The following GADL1 variants were observed in gnomAD, a reference collection of about 807,000 sequenced individuals.
GADL1 encodes the protein GAD like acidic amino acid decarboxylase 1.
In GADL1, 71 loss-of-function variants were observed where a neutral mutation model predicts 69.5. That is an observed-to-expected ratio of 1.02 (90% CI 0.84 to 1.25). GADL1 has a LOEUF of 1.25. Ranked by LOEUF, GADL1 falls within the 50% of genes most tolerant of loss-of-function variation. The pLI, the probability that GADL1 is intolerant of heterozygous loss-of-function variation, is 0.00. For synonymous variants in GADL1, 254 were observed against 214.4 expected, an observed-to-expected ratio of 1.18 and a Z score of -1.62; for missense variants, 737 against 631.8, an observed-to-expected ratio of 1.17 and a Z score of -1.79.
intron 1 of GADL1, among the ~76,000 whole-genome samples, chr3:30,878,847 A>G (rs1218043557): frequency 2.6e-5 from 4 of 151,954 alleles, no homozygotes; most frequent in South Asian, 2.1e-4. Flanking sequence ...CATTGCTGAA[A>G]AAAAGGTAAC....
intron 6 of GADL1, among the ~76,000 whole-genome samples, chr3:30,846,877 G>A (rs1203873542): frequency 6.6e-6 from 1 of 152,158 alleles, no homozygotes; most frequent in Non-Finnish European, 1.5e-5. Context: ...CACCTAGAGT[G>A]CAAAATTTAG....
At chr3:30,806,372 T>C (rs1170403323) in intron 11 of GADL1, among the ~76,000 whole-genome samples, 1 of 152,130 alleles carries the variant, frequency 6.6e-6, no homozygotes, top group Non-Finnish European at 1.5e-5. Flanking sequence ...GGGTTAATAT[T>C]TGTTGGCGTA....
intron 1 of GADL1, among the ~76,000 whole-genome samples, chr3:30,876,871 A>G (rs1287648003): frequency 6.6e-6 from 1 of 151,906 alleles, no homozygotes; most frequent in Non-Finnish European, 1.5e-5. Context: ...ATTAAGCTTT[A>G]GTTACCCACA....
Position 30,827,567 on chromosome 3 carries a change from C to T in GADL1, c.1050+6286G>A, listed in dbSNP as rs189867364. On this transcript the variant is annotated intron_variant, in intron 11 of 14. Coordinates refer to ENST00000282538, the MANE Select transcript of GADL1 (RefSeq NM_207359.3). ...GGAGAAATAGATAATGGATTCTGAA[C>T]ACATGAGGCTCTAACATTATTATCC... Among the ~76,000 whole-genome samples the T allele has an allele frequency of 1.2e-4, 18 of 151,940 alleles. No homozygotes were observed. In the East Asian group the frequency reaches 2.9e-3, roughly 25 times the overall value.
chr3:30,769,928 C>T (rs1014202494), intron 14 of GADL1, among the ~76,000 whole-genome samples: 13 of 152,210 alleles, frequency 8.5e-5, no homozygotes, highest in African/African-American at 1.7e-4. Context: ...CAAGGACTGA[C>T]GAATTTAGGT....
intron 14 of GADL1, among the ~76,000 whole-genome samples, chr3:30,739,045 T>C (rs1459661802): frequency 6.6e-6 from 1 of 152,182 alleles, no homozygotes; most frequent in African/African-American, 2.4e-5. Flanking sequence ...AACTCCTACC[T>C]AGCAGCACAG....
intron 2 of GADL1, among the ~76,000 whole-genome samples, chr3:30,858,094 C>T (rs1321518251): frequency 6.6e-6 from 1 of 151,990 alleles, no homozygotes; most frequent in Admixed American, 6.6e-5. Context: ...ACTTATCACC[C>T]TCTAATATAC....
chr3:30,786,307 A>G, intron 13 of GADL1, 48 bp downstream of exon 13: 1 of 1,146,578 alleles, frequency 8.7e-7, no homozygotes, highest in Non-Finnish European at 1.3e-6. Flanking sequence ...TACCACCTTC[A>G]TCACTGTTAA....
intron 6 of GADL1, among the ~76,000 whole-genome samples, chr3:30,848,900 A>G (rs1698098622): frequency 6.6e-6 from 1 of 152,176 alleles, no homozygotes. Context: ...TGTTCCGTGT[A>G]TTCAAATCCT....
intron 11 of GADL1, among the ~76,000 whole-genome samples, chr3:30,804,208 G>A (rs1458500597): frequency 1.3e-5 from 2 of 152,106 alleles, no homozygotes; most frequent in Non-Finnish European, 2.9e-5. Flanking sequence ...TCCATCATCA[G>A]GAATATGTCC....
chr3:30,795,517 T>G (rs1697013574), intron 12 of GADL1, among the ~76,000 whole-genome samples: 1 of 152,108 alleles, frequency 6.6e-6, no homozygotes, highest in Admixed American at 6.6e-5. Context: ...AACTGGGGCT[T>G]TCTTTAACTT....
chr3:30,853,624 T>A (rs1698183572), intron 4 of GADL1, among the ~76,000 whole-genome samples: 1 of 152,106 alleles, frequency 6.6e-6, no homozygotes, highest in African/African-American at 2.4e-5. Flanking sequence ...CAGTTCCCTC[T>A]CCCAGTGCTT....
chr3:30,810,965 A>T (rs948383414), intron 11 of GADL1, among the ~76,000 whole-genome samples: 1 of 152,178 alleles, frequency 6.6e-6, no homozygotes, highest in African/African-American at 2.4e-5. Flanking sequence ...AAGAGCTCAC[A>T]GGCACTGGAT....
chr3:30,749,048 C>G lies in GADL1; in HGVS notation c.1393-20633G>C, dbSNP rs578174073. Among the ~76,000 whole-genome samples the G allele has an allele frequency of 2.6e-4, 39 of 152,312 alleles. No homozygotes were observed. In the East Asian group the frequency reaches 7.5e-3, roughly 29 times the overall value. On this transcript the variant is annotated intron_variant, in intron 14 of 14. Transcript: ENST00000282538. ...TTACTATAATTATCAATTCCCGAAT[C>G]AATCTTGCCTTCATGTACCCTAGTC... is the stretch of plus-strand genomic sequence containing the variant.
At position 30,786,346 on chromosome 3, in the gene GADL1, AT is replaced by A; in HGVS notation, c.1302+8del. On this transcript the variant is annotated splice_region_variant and intron_variant, in intron 13 of 14. Transcript: ENST00000282538. ...ACAAAATCACAAGCACAATTATGCA[AT>A]CACTTACTTCCATCAGTAACTTGAA... 1 of 1,538,170 alleles carries A rather than the reference AT, an allele frequency of 6.5e-7. No individual in the cohort carries two copies. Among genetic ancestry groups the A allele is most frequent in the Middle Eastern group, 1.7e-4 (1 of 5,926 alleles).
intron 2 of GADL1, 133 bp from the exon 3 acceptor site, chr3:30,857,274 G>A (rs991993622): frequency 7.1e-6 from 5 of 702,996 alleles, no homozygotes; most frequent in East Asian, 2.7e-5. Flanking sequence ...TAGTTCAGAC[G>A]AAAAGAACTA....
At chr3:30,754,978 C>CG (rs568768985) in intron 14 of GADL1, among the ~76,000 whole-genome samples, 6 of 151,920 alleles carry the variant, frequency 3.9e-5, no homozygotes, top group African/African-American at 7.2e-5. Context: ...CAGACCAAAA[C>CG]GGGGGAGCAC....
chr3:30,772,603 G>A (rs1422206757), intron 14 of GADL1, among the ~76,000 whole-genome samples: 1 of 152,152 alleles, frequency 6.6e-6, no homozygotes, highest in Non-Finnish European at 1.5e-5. Context: ...AGGGCTGGGT[G>A]CGGTGGCTCA....
Position 30,859,791 on chromosome 3 carries a change from G to A in GADL1, c.210+1802C>T, listed in dbSNP as rs118094577. On this transcript the variant is annotated intron_variant, in intron 2 of 14. Transcript: ENST00000282538. The stretch of plus-strand genomic sequence containing the variant: ...GGTGCTCTGTTGGATCTCAAACAAG[G>A]TAGGCTAAGTTAGTGGTATCAAAAC... Among the ~76,000 whole-genome samples, 41 of 151,976 alleles carry A rather than the reference G, an allele frequency of 2.7e-4. No individual in the cohort carries two copies. The East Asian group carries it at 7.8e-3, about 29-fold the overall frequency.
Sources: allele counts gnomAD v4.1 joint callset (sites outside exome capture counted in the v4.1 genomes callset), GRCh38; gene constraint gnomAD v4.1.1; transcripts MANE v1.5; gene names NCBI Gene and HGNC (gene_info 2026-07-23, HGNC 2026-07-21).